Variants in ABLIM3 observed in about 807,000 individuals in gnomAD.
The protein encoded by ABLIM3 is actin-binding LIM protein 3.
In ABLIM3, 61 loss-of-function variants were observed where a neutral mutation model predicts 109.5. The ratio of observed to expected loss-of-function variants is 0.56; its 90% CI spans 0.45 to 0.69. The LOEUF (loss-of-function observed/expected upper bound fraction) is 0.69. Ranked by LOEUF, ABLIM3 falls within the 30% of genes least tolerant of loss-of-function variation. The pLI is 0.00. For missense variants in ABLIM3, 796 were observed against 889.5 expected, an observed-to-expected ratio of 0.89 and a Z score of 1.34; for synonymous variants, 300 against 324.8, an observed-to-expected ratio of 0.92 and a Z score of 0.82.
intron 17 of ABLIM3, 131 bp downstream of exon 17, chr5:149,246,677 A>G: frequency 2.1e-6 from 2 of 967,820 alleles, no homozygotes; most frequent in Non-Finnish European, 1.5e-6. Context: ...GCTTTGCATA[A>G]CTGAAAAATC....
intron 5 of ABLIM3, among the ~76,000 whole-genome samples, chr5:149,206,040 A>G (rs1468395484): frequency 6.6e-6 from 1 of 152,232 alleles, no homozygotes; most frequent in Non-Finnish European, 1.5e-5. Context: ...CCAACAGGGA[A>G]GTTTGTCCTC....
intron 8 of ABLIM3, among the ~76,000 whole-genome samples, chr5:149,229,315 C>G (rs1761614689): frequency 6.6e-6 from 1 of 152,152 alleles, no homozygotes; most frequent in Non-Finnish European, 1.5e-5. Context: ...TGTCGGCAGA[C>G]AAAAATCAAA....
rs1350205086 is a variant in ABLIM3, at chr5:149,247,848, G to T, written c.1618G>T (p.Asp540Tyr). Residue 540 changes from aspartate to tyrosine, a missense_variant, in exon 18 of 24, where the codon GAT becomes TAT. By Grantham distance (160) the Asp-to-Tyr change is radical (BLOSUM62 -3). Coordinates refer to ENST00000309868, the MANE Select transcript of ABLIM3 (RefSeq NM_014945.5). ...EMKARSSSYA[D>Y]PWTPPRSSTS... ...GAAGGCCCGGTCGAGCTCCTATGCA[G>T]ATCCCTGGACCCCTCCCCGGAGCTC... The T allele has an allele frequency of 6.2e-7, 1 of 1,614,270 alleles. No individual in the cohort carries two copies. Among genetic ancestry groups the T allele is most frequent in the Admixed American group, 1.7e-5 (1 of 60,038 alleles).
chr5:149,149,558 G>C (rs978635400), intron 2 of ABLIM3, among the ~76,000 whole-genome samples: 1 of 152,136 alleles, frequency 6.6e-6, no homozygotes, highest in Non-Finnish European at 1.5e-5. Context: ...GGTTGAAAAA[G>C]GGAAGACAGG....
chr5:149,213,176 G>A (rs1250692891), intron 7 of ABLIM3, among the ~76,000 whole-genome samples: 2 of 152,128 alleles, frequency 1.3e-5, no homozygotes, highest in Non-Finnish European at 2.9e-5. Flanking sequence ...GCTCAGGCCT[G>A]GAGGAGCCAA....
At chr5:149,202,316 G>A (rs908139537) in intron 5 of ABLIM3, among the ~76,000 whole-genome samples, 8 of 152,210 alleles carry the variant, frequency 5.3e-5, no homozygotes, top group African/African-American at 1.9e-4. Flanking sequence ...AGTGAGTCAA[G>A]AGGAGCAAAT....
At chr5:149,242,403 C>G (rs1175783178) in intron 14 of ABLIM3, 88 bp from the exon 15 acceptor site, 1 of 1,363,074 alleles carries the variant, frequency 7.3e-7, no homozygotes, top group Non-Finnish European at 1.0e-6. Context: ...CTTCTGAGAT[C>G]AACTGACCAA....
At chr5:149,205,315 G>C (rs530249403) in intron 5 of ABLIM3, among the ~76,000 whole-genome samples, 106 of 152,270 alleles carry the variant, frequency 7.0e-4, no homozygotes, top group Admixed American at 3.7e-3. Context: ...CCCACTACTG[G>C]AGGTGATTAA....
At chr5:149,227,446 T>C (rs1206440248) in intron 8 of ABLIM3, among the ~76,000 whole-genome samples, 1 of 152,180 alleles carries the variant, frequency 6.6e-6, no homozygotes, top group East Asian at 1.9e-4. Context: ...GTTGTACTCT[T>C]ACAAAAAGCT....
chr5:149,174,697 A>G (rs1220071115), intron 2 of ABLIM3: 1 of 152,258 alleles, frequency 6.6e-6, no homozygotes, highest in Non-Finnish European at 1.5e-5. Context: ...TACACTGGGC[A>G]GAAGGAGGCC....
chr5:149,193,355 A>G (rs2127489315), intron 3 of ABLIM3, among the ~76,000 whole-genome samples: 1 of 152,126 alleles, frequency 6.6e-6, no homozygotes, highest in East Asian at 1.9e-4. Flanking sequence ...TCAAGACGCC[A>G]TTTACCTGAA....
intron 2 of ABLIM3, among the ~76,000 whole-genome samples, chr5:149,182,116 C>T (rs1294721453): frequency 6.6e-6 from 1 of 152,208 alleles, no homozygotes; most frequent in Non-Finnish European, 1.5e-5. Context: ...AGTGAACAGA[C>T]ATAACTACCA....
chr5:149,202,258 T>G (rs1437506112), intron 5 of ABLIM3, among the ~76,000 whole-genome samples: 1 of 152,188 alleles, frequency 6.6e-6, no homozygotes, highest in African/African-American at 2.4e-5. Context: ...CTCCCAAATG[T>G]GTCCACCATA....
At chr5:149,240,525 T>C in intron 13 of ABLIM3, 151 bp from the exon 14 acceptor site, 1 of 647,866 alleles carries the variant, frequency 1.5e-6, no homozygotes, top group East Asian at 2.7e-5. Flanking sequence ...CACATGCTGC[T>C]TCCGCCCCGG....
At chr5:149,231,614 A>T (rs1422232097) in intron 9 of ABLIM3, among the ~76,000 whole-genome samples, 1 of 152,234 alleles carries the variant, frequency 6.6e-6, no homozygotes, top group East Asian at 1.9e-4. Flanking sequence ...CAGTTTATTG[A>T]TGCATAATTA....
chr5:149,253,110 C>T (rs149004709), intron 23 of ABLIM3, among the ~76,000 whole-genome samples: 96 of 152,194 alleles, frequency 6.3e-4, no homozygotes, highest in Middle Eastern at 3.4e-3. Flanking sequence ...CTGTTCTTTG[C>T]TGCCTCCTCT....
intron 3 of ABLIM3, among the ~76,000 whole-genome samples, chr5:149,186,052 A>T (rs4705326): frequency 0.31 from 46,634 of 152,124 alleles, 7,459 homozygotes; most frequent in East Asian, 0.51. Context: ...TTCTCAGCAT[A>T]TGATGGATGA....
At position 149,198,871 on chromosome 5, in the gene ABLIM3, C is replaced by T. The variant is rs1328110429; in HGVS notation, c.335+469C>T. Among the ~76,000 whole-genome samples the T allele has an allele frequency of 6.6e-6, 1 of 152,222 alleles. No individual in the cohort carries two copies. The highest frequency in any genetic ancestry group is 2.4e-5 in the African/African-American group (1 of 41,452). On this transcript the variant is annotated intron_variant, in intron 4 of 23. Transcript: ENST00000309868. This position sits in a 1 kb window ranked among gnomAD's most constrained non-coding sequence, Gnocchi z 4.2. The stretch of plus-strand genomic sequence containing the variant: ...GCAAGTGACCCCCACCTCTGTAAGC[C>T]TCAGTTTCTCCACAGGTAAAATGGA...
intron 9 of ABLIM3, among the ~76,000 whole-genome samples, chr5:149,231,997 ACT>A (rs1761913161): frequency 6.6e-6 from 1 of 152,188 alleles, no homozygotes; most frequent in South Asian, 2.1e-4. Flanking sequence ...TGTTGTCTGC[ACT>A]CTCTTTGTTT....
Sources: gnomAD v4.1 joint callset for allele counts (sites outside exome capture counted in the v4.1 genomes callset) on GRCh38, gnomAD v4.1.1 for gene constraint, Gnocchi (gnomAD v3.1) non-coding constraint, MANE v1.5 for transcripts, NCBI Gene and HGNC (gene_info 2026-07-23, HGNC 2026-07-21) for gene names.